HYAL4: variants seen among roughly 807,000 people sequenced by gnomAD.
HYAL4 encodes the protein hyaluronidase-4.
In HYAL4, 37 loss-of-function variants were observed where a neutral mutation model predicts 35.2. That is an observed-to-expected ratio of 1.05 (90% CI 0.81 to 1.38). The LOEUF (loss-of-function observed/expected upper bound fraction) is 1.38. HYAL4 is among the 40% of genes most tolerant of loss of function. The pLI, the probability that HYAL4 is intolerant of heterozygous loss-of-function variation, is 0.00. For missense variants in HYAL4, 572 were observed against 572.4 expected (o/e 1.00, Z 0.01); for synonymous variants, 198 against 203.2 (o/e 0.97, Z 0.22).
chr7:123,784,362 T>C, the HYAL4 span, among the ~76,000 whole-genome samples: 1 of 152,180 alleles, frequency 6.6e-6, no homozygotes, highest in Non-Finnish European at 1.5e-5. Flanking sequence ...TTTTCACCAG[T>C]TGAGAAGTTG....
intron 2 of HYAL4, among the ~76,000 whole-genome samples, chr7:123,859,140 C>A (rs2116942224): frequency 6.6e-6 from 1 of 152,214 alleles, no homozygotes; most frequent in East Asian, 1.9e-4. Flanking sequence ...AAGAAGTTAA[C>A]AAGCAATCTA....
At chr7:123,789,822 G>A in the HYAL4 span, among the ~76,000 whole-genome samples, 1 of 152,120 alleles carries the variant, frequency 6.6e-6, no homozygotes, top group African/African-American at 2.4e-5. Flanking sequence ...ATATGTATGT[G>A]TATGTGTGTG....
At chr7:123,794,827 C>G in the HYAL4 span, among the ~76,000 whole-genome samples, 2 of 152,192 alleles carry the variant, frequency 1.3e-5, no homozygotes, top group African/African-American at 4.8e-5. Context: ...ACACATAGTC[C>G]CTAGTGTGGT....
chr7:123,803,493 T>A, the HYAL4 span, among the ~76,000 whole-genome samples: 3 of 152,206 alleles, frequency 2.0e-5, no homozygotes. Flanking sequence ...CTTCCTTAAA[T>A]GTTTGTGTTC....
chr7:123,851,613 G>A (rs1407257737), intron 2 of HYAL4, among the ~76,000 whole-genome samples: 1 of 152,122 alleles, frequency 6.6e-6, no homozygotes, highest in African/African-American at 2.4e-5. Context: ...TGGTGTATAT[G>A]TGCCACATTT....
chr7:123,816,723 T>C, the HYAL4 span, among the ~76,000 whole-genome samples: 1 of 152,192 alleles, frequency 6.6e-6, no homozygotes, highest in Non-Finnish European at 1.5e-5. Context: ...CATTCTCTAC[T>C]CACCAAAATA....
At chr7:123,814,024 A>G in the HYAL4 span, 1 of 152,226 alleles carries the variant, frequency 6.6e-6, no homozygotes, top group African/African-American at 2.4e-5. Flanking sequence ...ATATTTTAAA[A>G]TATTTGGTCT....
At chr7:123,777,290 AGT>A in the HYAL4 span, among the ~76,000 whole-genome samples, 3 of 152,208 alleles carry the variant, frequency 2.0e-5, no homozygotes, top group African/African-American at 7.2e-5. Context: ...TTTCTGAAAC[AGT>A]ATAAAAAAGA....
At chr7:123,774,164 T>C in the HYAL4 span, among the ~76,000 whole-genome samples, 1 of 152,120 alleles carries the variant, frequency 6.6e-6, no homozygotes, top group Non-Finnish European at 1.5e-5. Flanking sequence ...GCCTCCCAAT[T>C]AGCTGAGACT....
the HYAL4 span, among the ~76,000 whole-genome samples, chr7:123,769,863 T>TA: frequency 4.6e-5 from 7 of 151,892 alleles, no homozygotes; most frequent in African/African-American, 1.7e-4. Context: ...GTTGACCACT[T>TA]ACTAATCCTG....
At chr7:123,847,398 T>G (rs1482886311) in intron 1 of HYAL4, among the ~76,000 whole-genome samples, 3 of 152,220 alleles carry the variant, frequency 2.0e-5, no homozygotes, top group Non-Finnish European at 4.4e-5. Context: ...AAATTCATGT[T>G]GTATTTACTC....
At chr7:123,765,341 G>A in the HYAL4 span, among the ~76,000 whole-genome samples, 1 of 152,110 alleles carries the variant, frequency 6.6e-6, no homozygotes, top group Non-Finnish European at 1.5e-5. Context: ...GTGTAGGTAA[G>A]GAGAAAAATA....
chr7:123,837,755 G>T (rs1805988527), intron 1 of HYAL4, among the ~76,000 whole-genome samples: 1 of 144,362 alleles, frequency 6.9e-6, no homozygotes, highest in Non-Finnish European at 1.5e-5. Flanking sequence ...ACCTATGAGT[G>T]AGAACGCACG....
chr7:123,850,510 G>T (rs1050081593), intron 2 of HYAL4, among the ~76,000 whole-genome samples: 4 of 152,052 alleles, frequency 2.6e-5, no homozygotes, highest in African/African-American at 9.7e-5. Flanking sequence ...AAAGTACTGG[G>T]ATTACAGTCT....
chr7:123,790,739 A>C, the HYAL4 span: 1 of 151,888 alleles, frequency 6.6e-6, no homozygotes, highest in Non-Finnish European at 1.5e-5. Flanking sequence ...ATGGCCAACC[A>C]TATTATGTAC....
intron 1 of HYAL4, among the ~76,000 whole-genome samples, chr7:123,832,563 C>T (rs1403254092): frequency 7.6e-6 from 1 of 130,934 alleles, no homozygotes; most frequent in East Asian, 2.5e-4. Flanking sequence ...GCAGCGGTGC[C>T]ATCTCGGTTC....
chr7:123,770,921 A>G, the HYAL4 span, among the ~76,000 whole-genome samples: 1 of 152,180 alleles, frequency 6.6e-6, no homozygotes, highest in Non-Finnish European at 1.5e-5. Context: ...TGAGAATAAG[A>G]AGGAGGAAAT....
At chr7:123,767,110 T>TA in the HYAL4 span, among the ~76,000 whole-genome samples, 1 of 152,256 alleles carries the variant, frequency 6.6e-6, no homozygotes, top group Admixed American at 6.5e-5. Context: ...AAAATCATCT[T>TA]ACTATCAGTA....
the HYAL4 span, among the ~76,000 whole-genome samples, chr7:123,787,368 G>A: frequency 9.2e-5 from 14 of 151,966 alleles, no homozygotes; most frequent in African/African-American, 2.7e-4. Flanking sequence ...CTTAGCTTGA[G>A]TTCACTCCAG....
Sources: gnomAD v4.1 joint callset for allele counts (sites outside exome capture counted in the v4.1 genomes callset) on GRCh38, gnomAD v4.1.1 for gene constraint, MANE v1.5 for transcripts, NCBI Gene and HGNC (gene_info 2026-07-23, HGNC 2026-07-21) for gene names.